The following KCNIP4 variants were observed in gnomAD, a reference collection of about 807,000 sequenced individuals.
KCNIP4 encodes potassium voltage-gated channel interacting protein 4.
Under a neutral mutation model 34.0 loss-of-function variants are expected in KCNIP4, and 12 were observed. The observed-to-expected ratio is 0.35, with a 90% CI of 0.23 to 0.57. The LOEUF is 0.57. Ranked by LOEUF, KCNIP4 falls within the 20% of genes least tolerant of loss-of-function variation. The pLI is 0.83. For missense variants in KCNIP4, 238 were observed against 311.7 expected (o/e 0.76, Z 1.78); for synonymous variants, 124 against 102.2 (o/e 1.21, Z -1.29).
At chr4:21,480,278 A>T (rs1731314193) in intron 1 of KCNIP4, among the ~76,000 whole-genome samples, 1 of 152,114 alleles carries the variant, frequency 6.6e-6, no homozygotes. Flanking sequence ...CAATTCATGT[A>T]ATTGTACAAA....
At chr4:21,426,756 T>C (rs1356076093) in intron 1 of KCNIP4, among the ~76,000 whole-genome samples, 2 of 150,524 alleles carry the variant, frequency 1.3e-5, no homozygotes, top group African/African-American at 2.4e-5. Flanking sequence ...GCACTGGGGA[T>C]AAACATGTAA....
chr4:21,063,110 A>G (rs1434607685), intron 1 of KCNIP4, among the ~76,000 whole-genome samples: 3 of 152,138 alleles, frequency 2.0e-5, no homozygotes, highest in South Asian at 2.1e-4. Context: ...TACCATGAGC[A>G]TATCAGGCTA....
chr4:21,911,840 C>T (rs1704402565), intron 1 of KCNIP4, among the ~76,000 whole-genome samples: 1 of 152,014 alleles, frequency 6.6e-6, no homozygotes, highest in Non-Finnish European at 1.5e-5. Flanking sequence ...ATCATCATTG[C>T]CTGTTCGGCC....
At chr4:21,827,459 T>C (rs1012725724) in intron 1 of KCNIP4, among the ~76,000 whole-genome samples, 18 of 152,000 alleles carry the variant, frequency 1.2e-4, no homozygotes, top group Admixed American at 3.3e-4. Context: ...AAATTTCTAA[T>C]GTACTGATCT....
chr4:21,265,556 C>T (rs1761748324), intron 1 of KCNIP4, among the ~76,000 whole-genome samples: 1 of 152,158 alleles, frequency 6.6e-6, no homozygotes, highest in Non-Finnish European at 1.5e-5. Flanking sequence ...AAATAATGAA[C>T]TATCACTGGA....
intron 1 of KCNIP4, among the ~76,000 whole-genome samples, chr4:21,841,010 G>A (rs1723644580): frequency 1.3e-5 from 2 of 152,062 alleles, no homozygotes; most frequent in South Asian, 2.1e-4. Context: ...ATTAATTGTT[G>A]CTACTGAGTA....
intron 1 of KCNIP4, among the ~76,000 whole-genome samples, chr4:21,008,545 A>T (rs2149728213): frequency 6.6e-6 from 1 of 150,550 alleles, no homozygotes; most frequent in East Asian, 1.9e-4. Context: ...TTTTTTTGAG[A>T]CGGAGTCTCG....
intron 1 of KCNIP4, among the ~76,000 whole-genome samples, chr4:21,888,591 C>A (rs1193713772): frequency 6.6e-6 from 1 of 152,120 alleles, no homozygotes; most frequent in Non-Finnish European, 1.5e-5. Context: ...AACCGTTTTC[C>A]TTTGCCCTCA....
At chr4:21,824,256 C>T (rs768696772) in intron 1 of KCNIP4, among the ~76,000 whole-genome samples, 1 of 152,114 alleles carries the variant, frequency 6.6e-6, no homozygotes, top group Non-Finnish European at 1.5e-5. Flanking sequence ...ATAGCCATTT[C>T]CCAAAACAAA....
chr4:20,795,299 G>A (rs566762241), intron 3 of KCNIP4, among the ~76,000 whole-genome samples: 2 of 152,116 alleles, frequency 1.3e-5, no homozygotes, highest in African/African-American at 4.8e-5. Context: ...CTGTGAAATG[G>A]TGCCTCAGCA....
At chr4:21,697,481 G>A (rs2109057348) in intron 1 of KCNIP4, 9 of 1,525,190 alleles carry the variant, frequency 5.9e-6, no homozygotes, top group Non-Finnish European at 7.8e-6. Context: ...AGAAGTCTTT[G>A]CCAATAATAA....
intron 3 of KCNIP4, among the ~76,000 whole-genome samples, chr4:20,831,606 G>A (rs1388317): frequency 0.18 from 26,920 of 151,996 alleles, 2,532 homozygotes; most frequent in South Asian, 0.4. Flanking sequence ...AGAAAAATCT[G>A]GTGATTAACT....
intron 1 of KCNIP4, among the ~76,000 whole-genome samples, chr4:21,943,298 C>T (rs991148775): frequency 2.0e-5 from 3 of 151,970 alleles, no homozygotes; most frequent in African/African-American, 4.8e-5. Context: ...TCAGTAAGCC[C>T]GCAAGAGAAG....
At chr4:20,976,139 A>G (rs1226947447) in intron 1 of KCNIP4, among the ~76,000 whole-genome samples, 3 of 152,176 alleles carry the variant, frequency 2.0e-5, no homozygotes, top group Middle Eastern at 3.2e-3. Flanking sequence ...GGCCTTTCCA[A>G]CTTATTACCT....
At chr4:20,785,961 G>A (rs757343952) in intron 3 of KCNIP4, among the ~76,000 whole-genome samples, 4 of 151,584 alleles carry the variant, frequency 2.6e-5, no homozygotes, top group Admixed American at 1.3e-4. Flanking sequence ...TATACCCAGA[G>A]GAAAATAAAT....
At chr4:21,905,078 G>C (rs1426129550) in intron 1 of KCNIP4, among the ~76,000 whole-genome samples, 1 of 152,144 alleles carries the variant, frequency 6.6e-6, no homozygotes, top group East Asian at 1.9e-4. Context: ...TAAAGAAACT[G>C]CTCAAAGAGG....
At chr4:21,710,805 A>G (rs1272173865) in intron 1 of KCNIP4, among the ~76,000 whole-genome samples, 1 of 152,234 alleles carries the variant, frequency 6.6e-6, no homozygotes, top group Non-Finnish European at 1.5e-5. Flanking sequence ...ATCTAGAGAT[A>G]GAATTCTAAA....
chr4:21,563,360 TA>T (rs911205278), intron 1 of KCNIP4, among the ~76,000 whole-genome samples: 1 of 152,126 alleles, frequency 6.6e-6, no homozygotes, highest in Non-Finnish European at 1.5e-5. Context: ...AATTTTTACA[TA>T]AAGTCTGTTA....
At chr4:21,526,371 T>A (rs571963644) in intron 1 of KCNIP4, among the ~76,000 whole-genome samples, 1 of 152,218 alleles carries the variant, frequency 6.6e-6, no homozygotes, top group African/African-American at 2.4e-5. Flanking sequence ...TACCATGATT[T>A]TGAGGCCTCT....
Sources: allele counts gnomAD v4.1 joint callset (sites outside exome capture counted in the v4.1 genomes callset), GRCh38; gene constraint gnomAD v4.1.1; transcripts MANE v1.5; gene names NCBI Gene and HGNC (gene_info 2026-07-23, HGNC 2026-07-21).